Variants in NPTN observed in about 807,000 individuals in gnomAD.
The protein encoded by NPTN is SDR-1.
NPTN carries 5 observed loss-of-function variants against 42.7 expected under a neutral mutation model. That is an observed-to-expected ratio of 0.12 (90% CI 0.06 to 0.25). The LOEUF is 0.25. NPTN is among the 10% of genes least tolerant of loss of function. NPTN has a pLI of 1.00. For missense variants in NPTN, 307 were observed against 525.4 expected, an observed-to-expected ratio of 0.58 and a Z score of 4.06; for synonymous variants, 180 against 201.9, an observed-to-expected ratio of 0.89 and a Z score of 0.92.
chr15:73,615,200 T>C (rs992136824), intron 1 of NPTN, among the ~76,000 whole-genome samples: 1 of 150,880 alleles, frequency 6.6e-6, no homozygotes, highest in South Asian at 2.1e-4. Context: ...AAAACCATGG[T>C]GGGCCAGGGA....
Position 73,580,482 on chromosome 15 carries a change from AAT to A in NPTN, c.707-6689_707-6688del, listed in dbSNP as rs550269780. ...TACAAAATATATTTATATATACATA[AAT>A]ATATATATACATAAATATATATATT... is the stretch of plus-strand genomic sequence containing the variant. On this transcript the variant is annotated intron_variant, in intron 4 of 8. Coordinates refer to ENST00000345330, the MANE Select transcript of NPTN (RefSeq NM_012428.4). Among the ~76,000 whole-genome samples the A allele has an allele frequency of 6.7e-3, 871 of 130,384 alleles. 13 individuals are homozygous for A. Among genetic ancestry groups the A allele is most frequent in the African/African-American group, 0.027 (795 of 29,462 alleles). 85.5% of individuals were successfully genotyped at this position (130,384 alleles called of 152,430 possible).
intron 1 of NPTN, among the ~76,000 whole-genome samples, chr15:73,605,109 G>C (rs1033843918): frequency 2.1e-5 from 3 of 144,226 alleles, no homozygotes; most frequent in East Asian, 2.1e-4. Flanking sequence ...AGGGGGGGGG[G>C]GGAAAAGAAT....
chr15:73,563,501 G>A, intron 6 of NPTN: 4 of 1,322,140 alleles, frequency 3.0e-6, no homozygotes, highest in Non-Finnish European at 3.9e-6. Flanking sequence ...TTGAATGCTT[G>A]TCATGAAAAA....
intron 1 of NPTN, among the ~76,000 whole-genome samples, chr15:73,623,011 A>T (rs1898211515): frequency 6.6e-6 from 1 of 152,218 alleles, no homozygotes; most frequent in Non-Finnish European, 1.5e-5. Context: ...TCACAGCAGG[A>T]TTTTAACTAA....
rs2141410960 is a variant in NPTN, at chr15:73,597,865, A to C, written c.92-496T>G. Among the ~76,000 whole-genome samples the C allele has an allele frequency of 6.6e-6, 1 of 152,342 alleles. No homozygotes were observed. Among genetic ancestry groups the C allele is most frequent in the African/African-American group, 2.4e-5 (1 of 41,580 alleles). On this transcript the variant is annotated intron_variant, in intron 1 of 8. Coordinates refer to ENST00000345330, the MANE Select transcript of NPTN (RefSeq NM_012428.4). The surrounding 1 kb of genome is among the most constrained non-coding windows in gnomAD (Gnocchi z 6.3). ...AAATGCAGTGTCTTTTGCAAGCCTC[A>C]ACAAGAAGTATTAAATGACCTACTG... is the stretch of plus-strand genomic sequence containing the variant.
At chr15:73,580,863 G>C (rs1407200272) in intron 4 of NPTN, among the ~76,000 whole-genome samples, 1 of 151,968 alleles carries the variant, frequency 6.6e-6, no homozygotes, top group African/African-American at 2.4e-5. Flanking sequence ...ATCTGGACTT[G>C]ATCTCGACTC....
intron 1 of NPTN, among the ~76,000 whole-genome samples, chr15:73,603,497 C>T (rs1020354203): frequency 1.3e-5 from 2 of 152,168 alleles, no homozygotes; most frequent in East Asian, 3.8e-4. Context: ...TCCTTCCTAT[C>T]TTTAGAGCAA....
Position 73,560,945 on chromosome 15 carries a change from A to C in NPTN, c.*118T>G, listed in dbSNP as rs1894622683. 1 of 152,646 alleles carries C rather than the reference A, an allele frequency of 6.6e-6. No individual in the cohort carries two copies. The highest frequency in any genetic ancestry group is 6.5e-5 in the Admixed American group (1 of 15,294). The allele number at this position is 152,646 out of a possible 1,614,324, so 9.5% of individuals were successfully genotyped here. ...AGAGGCTAAATAAGGCATGCTTTAG[A>C]CAGTCATTGTGGTGTTGCTCACTTG... On this transcript the variant is annotated 3_prime_UTR_variant, in exon 9 of 9. Transcript: ENST00000345330.
At chr15:73,566,150 C>T (rs1894987461) in intron 6 of NPTN, among the ~76,000 whole-genome samples, 1 of 152,080 alleles carries the variant, frequency 6.6e-6, no homozygotes, top group African/African-American at 2.4e-5. Flanking sequence ...TGTTATTGAC[C>T]CAGATGGCCC....
At chr15:73,628,071 A>G (rs1023824155) in intron 1 of NPTN, among the ~76,000 whole-genome samples, 1 of 152,348 alleles carries the variant, frequency 6.6e-6, no homozygotes, top group East Asian at 1.9e-4. Flanking sequence ...GCTTAAAATT[A>G]AACTCCATAT....
intron 3 of NPTN, among the ~76,000 whole-genome samples, chr15:73,589,553 T>C (rs1475739122): frequency 1.3e-5 from 2 of 152,022 alleles, no homozygotes; most frequent in Admixed American, 6.5e-5. Flanking sequence ...AGAGGATAAA[T>C]AGTTATATAG....
Position 73,569,168 on chromosome 15 carries a change from G to A in NPTN, c.1114+982C>T. The A allele has an allele frequency of 1.0e-6, 1 of 985,474 alleles. No individual in the cohort carries two copies. The highest frequency in any genetic ancestry group is 1.2e-6 in the Non-Finnish European group (1 of 829,982). 61.0% of individuals were successfully genotyped at this position (985,474 alleles called of 1,614,324 possible). ...CTAGTCTAGCCAGGGACAGACTAGT[G>A]GTGGTAACAGTCGGCCAATTAATTT... is the stretch of plus-strand genomic sequence containing the variant. On this transcript the variant is annotated intron_variant, in intron 6 of 8. Coordinates refer to ENST00000345330, the MANE Select transcript of NPTN (RefSeq NM_012428.4). This position sits in a 1 kb window ranked among gnomAD's most constrained non-coding sequence, Gnocchi z 4.1.
At chr15:73,629,107 C>G (rs1009781849) in intron 1 of NPTN, among the ~76,000 whole-genome samples, 14 of 152,192 alleles carry the variant, frequency 9.2e-5, no homozygotes, top group Admixed American at 2.6e-4. Context: ...CCTTGTAAAA[C>G]AAACCCAGGG....
chr15:73,580,442 A>ATT (rs1566965663), intron 4 of NPTN, among the ~76,000 whole-genome samples: 1 of 45,312 alleles, frequency 2.2e-5, no homozygotes. Context: ...AATATATATA[A>ATT]TATATATGTA....
chr15:73,617,978 A>G (rs1396931476), intron 1 of NPTN, among the ~76,000 whole-genome samples: 1 of 152,208 alleles, frequency 6.6e-6, no homozygotes, highest in Non-Finnish European at 1.5e-5. Flanking sequence ...CTCATAATTG[A>G]ATTTTTAATG....
chr15:73,584,382 G>A (rs1472540488), intron 4 of NPTN, among the ~76,000 whole-genome samples: 1 of 151,860 alleles, frequency 6.6e-6, no homozygotes, highest in South Asian at 2.1e-4. Context: ...GCTTTTTTGT[G>A]AGCACTTTTT....
chr15:73,572,246 C>G (rs559096984), intron 5 of NPTN, among the ~76,000 whole-genome samples: 43 of 152,230 alleles, frequency 2.8e-4, no homozygotes, highest in African/African-American at 1.0e-3. Context: ...ACTATGGAAC[C>G]CTTCCAAAGA....
intron 2 of NPTN, among the ~76,000 whole-genome samples, chr15:73,595,544 T>C (rs922604295): frequency 1.3e-5 from 2 of 152,190 alleles, no homozygotes; most frequent in Non-Finnish European, 2.9e-5. Flanking sequence ...CTATTTTCCA[T>C]CTAAGTATAT....
intron 1 of NPTN, among the ~76,000 whole-genome samples, chr15:73,624,737 G>A (rs1898311213): frequency 6.6e-6 from 1 of 152,158 alleles, no homozygotes; most frequent in Non-Finnish European, 1.5e-5. Context: ...CAACAGAAAT[G>A]TGCCTCAGAC....
Sources: gnomAD v4.1 joint callset for allele counts (sites outside exome capture counted in the v4.1 genomes callset) on GRCh38, gnomAD v4.1.1 for gene constraint, Gnocchi (gnomAD v3.1) non-coding constraint, MANE v1.5 for transcripts, NCBI Gene and HGNC (gene_info 2026-07-23, HGNC 2026-07-21) for gene names.